Variants in SCHIP1 observed in about 807,000 individuals in gnomAD.
SCHIP1 encodes schwannomin-interacting protein 1.
In SCHIP1, 8 loss-of-function variants were observed where a neutral mutation model predicts 29.7. That is an observed-to-expected ratio of 0.27 (90% CI 0.16 to 0.49). The LOEUF (loss-of-function observed/expected upper bound fraction) is 0.49. Ranked by LOEUF, SCHIP1 falls within the 20% of genes least tolerant of loss-of-function variation. The pLI, the probability that SCHIP1 is intolerant of heterozygous loss-of-function variation, is 0.99. For synonymous variants in SCHIP1, 76 were observed against 94.9 expected, an observed-to-expected ratio of 0.80 and a Z score of 1.16; for missense variants, 193 against 294.6, an observed-to-expected ratio of 0.66 and a Z score of 2.52.
chr3:159,366,878 T>A, the SCHIP1 span, among the ~76,000 whole-genome samples: 14 of 152,176 alleles, frequency 9.2e-5, no homozygotes, highest in African/African-American at 3.1e-4. Flanking sequence ...ATTTAACAAA[T>A]GACATTTAGA....
the SCHIP1 span, among the ~76,000 whole-genome samples, chr3:159,766,648 G>T: frequency 6.6e-6 from 1 of 152,100 alleles, no homozygotes; most frequent in Admixed American, 6.5e-5. Context: ...GCAAAGTTAG[G>T]GTTTGATGGT....
the SCHIP1 span, among the ~76,000 whole-genome samples, chr3:159,562,203 G>A: frequency 6.6e-6 from 1 of 152,022 alleles, no homozygotes; most frequent in South Asian, 2.1e-4. Flanking sequence ...CTATGCCCTT[G>A]GATTATTTAC....
At chr3:159,460,445 C>T in the SCHIP1 span, among the ~76,000 whole-genome samples, 21 of 152,138 alleles carry the variant, frequency 1.4e-4, no homozygotes, top group Non-Finnish European at 2.8e-4. Context: ...AAAAGTAACC[C>T]TGAGGGGAAT....
At chr3:159,387,771 C>T in the SCHIP1 span, among the ~76,000 whole-genome samples, 1 of 152,086 alleles carries the variant, frequency 6.6e-6, no homozygotes, top group South Asian at 2.1e-4. Flanking sequence ...ACACATTATA[C>T]ACAAAAATGG....
the SCHIP1 span, among the ~76,000 whole-genome samples, chr3:159,709,461 G>A: frequency 2.0e-5 from 3 of 152,198 alleles, no homozygotes; most frequent in African/African-American, 7.2e-5. Flanking sequence ...GGAAAAAAAG[G>A]TTAGCTTAGG....
At chr3:159,593,001 T>C in the SCHIP1 span, among the ~76,000 whole-genome samples, 1 of 151,902 alleles carries the variant, frequency 6.6e-6, no homozygotes, top group African/African-American at 2.4e-5. Context: ...GAGAGGGAGG[T>C]CCAAATTCTA....
the SCHIP1 span, among the ~76,000 whole-genome samples, chr3:159,439,499 A>T: frequency 8.2e-4 from 125 of 152,216 alleles, 3 homozygotes; most frequent in South Asian, 0.024. Context: ...TTACCTCCAG[A>T]TGGTCTCTTC....
At chr3:159,275,719 CAT>C in the SCHIP1 span, among the ~76,000 whole-genome samples, 2 of 152,146 alleles carry the variant, frequency 1.3e-5, no homozygotes, top group African/African-American at 2.4e-5. Flanking sequence ...ACTACAAGCA[CAT>C]GTTTGCTTCT....
chr3:159,582,161 GTTTT>G, the SCHIP1 span, among the ~76,000 whole-genome samples: 3 of 151,604 alleles, frequency 2.0e-5, no homozygotes, highest in South Asian at 2.1e-4. Context: ...TTGTTGTTGG[GTTTT>G]TTTGTTTTTG....
At chr3:159,753,512 G>GTCAA in the SCHIP1 span, among the ~76,000 whole-genome samples, 2 of 152,060 alleles carry the variant, frequency 1.3e-5, no homozygotes, top group Non-Finnish European at 2.9e-5. Flanking sequence ...TTAGTCACTA[G>GTCAA]ATCCTGTTGA....
chr3:159,732,610 T>A, the SCHIP1 span, among the ~76,000 whole-genome samples: 1 of 152,196 alleles, frequency 6.6e-6, no homozygotes, highest in Non-Finnish European at 1.5e-5. Context: ...TGCATCTAAC[T>A]TCCTGTGGGG....
At chr3:159,385,589 CCAA>C in the SCHIP1 span, among the ~76,000 whole-genome samples, 8 of 67,460 alleles carry the variant, frequency 1.2e-4, no homozygotes, top group African/African-American at 4.4e-4. Flanking sequence ...AAAAAAAAAA[CCAA>C]AAAAAAAAAA....
chr3:159,674,787 C>T, the SCHIP1 span, among the ~76,000 whole-genome samples: 2 of 152,100 alleles, frequency 1.3e-5, no homozygotes, highest in Non-Finnish European at 1.5e-5. Flanking sequence ...CTCAGTCGTA[C>T]CTGGACCCAC....
the SCHIP1 span, among the ~76,000 whole-genome samples, chr3:159,582,571 G>A: frequency 2.6e-5 from 4 of 151,996 alleles, no homozygotes; most frequent in African/African-American, 7.3e-5. Context: ...TAAGTATTTT[G>A]AAATTAAAGT....
the SCHIP1 span, among the ~76,000 whole-genome samples, chr3:159,375,257 A>C: frequency 9.9e-5 from 15 of 152,188 alleles, no homozygotes; most frequent in Non-Finnish European, 2.2e-4. Flanking sequence ...GTATCCAAAG[A>C]AGATGCTCAG....
the SCHIP1 span, among the ~76,000 whole-genome samples, chr3:159,523,269 C>T: frequency 6.6e-6 from 1 of 152,172 alleles, no homozygotes; most frequent in Admixed American, 6.5e-5. Context: ...TTCAAACTTC[C>T]AGTTGTCTTA....
intron 1 of SCHIP1, among the ~76,000 whole-genome samples, chr3:159,851,376 G>A: frequency 6.6e-6 from 1 of 152,142 alleles, no homozygotes; most frequent in East Asian, 1.9e-4. Flanking sequence ...GTTAGAGTGT[G>A]GGCCACAGAG....
chr3:159,295,575 C>G, the SCHIP1 span, among the ~76,000 whole-genome samples: 7 of 152,188 alleles, frequency 4.6e-5, no homozygotes, highest in Admixed American at 2.6e-4. Flanking sequence ...AGCATCCTCT[C>G]TCATCCCTGC....
chr3:159,366,315 A>ACCCAC, the SCHIP1 span, among the ~76,000 whole-genome samples: 29 of 101,124 alleles, frequency 2.9e-4, no homozygotes, highest in African/African-American at 1.0e-3. Flanking sequence ...TCCAAACCCC[A>ACCCAC]CCCACCACCA....
Sources: gnomAD v4.1 joint callset for allele counts (sites outside exome capture counted in the v4.1 genomes callset) on GRCh38, gnomAD v4.1.1 for gene constraint, MANE v1.5 for transcripts, NCBI Gene and HGNC (gene_info 2026-07-23, HGNC 2026-07-21) for gene names.